Variants in DNAH10 observed in about 807,000 individuals in gnomAD.
The protein encoded by DNAH10 is dynein axonemal heavy chain 10.
A neutral mutation model predicts 506.6 loss-of-function variants in DNAH10; 348 were observed. The ratio of observed to expected loss-of-function variants is 0.69; its 90% confidence interval spans 0.63 to 0.75. DNAH10 has a LOEUF of 0.75. Among genes scored for constraint, DNAH10 ranks in the 30% least tolerant of loss-of-function variants. The pLI is 0.00. For synonymous variants in DNAH10, 2,059 were observed against 2,198.6 expected (o/e 0.94, Z 1.78); for missense variants, 5,179 against 5,787.1 (o/e 0.89, Z 3.41).
chr12:123,873,577 TCTC>T lies in DNAH10; in HGVS notation c.7810_7812del (p.Ser2604del). 6.2e-7 allele frequency: 1 copy of T among 1,612,392 alleles called. No individual in the cohort carries two copies. The highest frequency in any genetic ancestry group is 8.5e-7 in the Non-Finnish European group (1 of 1,179,392). On this transcript the variant is annotated inframe_deletion, in exon 46 of 79. Transcript: ENST00000673944. ...CTTCAGATTGTGTTAATGGTCAACT[TCTC>T]CTCCCGCACCACGTCCATGGATATC...
chr12:123,858,913 C>T (rs545201126), intron 37 of DNAH10, among the ~76,000 whole-genome samples: 1 of 152,064 alleles, frequency 6.6e-6, no homozygotes, highest in African/African-American at 2.4e-5. Context: ...GAGTGGTTGC[C>T]AGGGGCTGGG....
At chr12:123,767,970 G>A (rs1004147651) in intron 2 of DNAH10, among the ~76,000 whole-genome samples, 1 of 152,162 alleles carries the variant, frequency 6.6e-6, no homozygotes, top group African/African-American at 2.4e-5. Context: ...CGCTCCCTCT[G>A]CAGGACCAAG....
chr12:123,818,365 C>T lies in DNAH10; in HGVS notation c.3781-585C>T, dbSNP rs116357568. On this transcript the variant is annotated intron_variant, in intron 21 of 78. Coordinates refer to ENST00000673944, the MANE Select transcript of DNAH10 (RefSeq NM_001372106.1). ...TTGAGATAGAATCTTGCTCTGTCAC[C>T]GAGGTTGGAGTGCAGTGGTGTGATC... Among the ~76,000 whole-genome samples the T allele has an allele frequency of 9.8e-3, 1,483 of 152,054 alleles. 21 individuals are homozygous for T. The highest frequency in any genetic ancestry group is 0.033 in the African/African-American group (1,377 of 41,466).
chr12:123,878,001 A>G, intron 48 of DNAH10, 93 bp downstream of exon 48: 2 of 1,427,274 alleles, frequency 1.4e-6, no homozygotes, highest in Non-Finnish European at 1.9e-6. Context: ...GATTTGATGA[A>G]TCGTTGTATG....
Position 123,787,941 on chromosome 12 carries a change from G to A in DNAH10, c.1559G>A (p.Arg520Gln), listed in dbSNP as rs766869862. 12 of 1,601,686 alleles carry A rather than the reference G, an allele frequency of 7.5e-6. No homozygotes were observed. In the East Asian group the frequency reaches 1.6e-4, roughly 21 times the overall value. ...GATCGGTGGGAGTTTGACCGGAAGC[G>A]GCTGTTCGAGAGGACGGATTATATG... is the stretch of plus-strand genomic sequence containing the variant. ...REDRWEFDRKRLFERTDYMAT... is the reference protein window; with the variant it reads ...REDRWEFDRKQLFERTDYMAT... The change falls in exon 10 of 79, where the codon CGG (arginine) becomes CAG (glutamine). Residue 520 changes from arginine to glutamine, a missense_variant. Physicochemically the swap from Arg to Gln is conservative, Grantham distance 43 (BLOSUM62 1). This residue lies in a region of DNAH10 where 4,844 missense variants were observed against 5,430.5 expected (regional missense o/e 0.89). Coordinates refer to ENST00000673944, the MANE Select transcript of DNAH10 (RefSeq NM_001372106.1). The surrounding 1 kb of genome is among the most constrained non-coding windows in gnomAD (Gnocchi z 4.6).
chr12:123,931,745 CG>C lies in DNAH10; in HGVS notation c.13028del (p.Gly4343GlufsTer25), dbSNP rs1316097804. On this transcript the variant is annotated frameshift_variant, in exon 75 of 79. Coordinates refer to ENST00000673944, the MANE Select transcript of DNAH10 (RefSeq NM_001372106.1). LOFTEE classifies it high-confidence loss of function. ...FDLDQVRKRL[G>X]TGLSPTSVVL... is the part of the protein sequence containing the mutation. Reference sequence around the variant, plus strand: ...ACTTGGACCAGGTGAGGAAGCGCCTCGGAACAGGACTCTCCCCCACTTCGGT... The same window carrying C: ...ACTTGGACCAGGTGAGGAAGCGCCTCGAACAGGACTCTCCCCCACTTCGGT... The C allele has an allele frequency of 8.1e-6, 13 of 1,613,896 alleles. No individual in the cohort carries two copies. Among genetic ancestry groups the C allele is most frequent in the Non-Finnish European group, 1.1e-5 (13 of 1,179,902 alleles).
Position 123,813,171 on chromosome 12 carries a change from T to C in DNAH10, c.3152T>C (p.Val1051Ala). The change falls in exon 20 of 79, where the codon GTT becomes GCT. Residue 1051 changes from valine (V) to alanine (A), a missense_variant. Transcript: ENST00000673944. ...RNCVEITKHF[V>A]RWMNGSCIEC... ...TAATTCTTACTTTGCCAGCATTTTG[T>C]TCGTTGGATGAATGGCAGCTGCATA... The C allele has an allele frequency of 6.2e-7, 1 of 1,600,608 alleles. No homozygotes were observed. The highest frequency in any genetic ancestry group is 8.5e-7 in the Non-Finnish European group (1 of 1,173,544).
chr12:123,809,719 C>T (rs937832267), intron 19 of DNAH10, among the ~76,000 whole-genome samples: 7 of 151,990 alleles, frequency 4.6e-5, no homozygotes, highest in African/African-American at 1.5e-4. Context: ...TGCCCCCACC[C>T]ACCCCATGAC....
rs1955446815 is a variant in DNAH10, at chr12:123,935,339, C to T, written c.13628C>T (p.Thr4543Ile). The T allele has an allele frequency of 2.5e-6, 4 of 1,602,566 alleles. No homozygotes were observed. The highest frequency in any genetic ancestry group is 3.4e-6 in the Non-Finnish European group (4 of 1,170,134). The change falls in exon 79 of 79, where the codon ACT becomes ATT. Residue 4543 changes from threonine (T) to isoleucine (I), a missense_variant. Around this residue, in one of 3 missense-constraint regions of DNAH10, gnomAD observed 4,844 missense variants for 5,430.5 expected, o/e 0.89. Coordinates refer to ENST00000673944, the MANE Select transcript of DNAH10 (RefSeq NM_001372106.1). ...TCACCTGCCTTTCCCTTGCAGAATA[C>T]TTTCCGGACCCCCGTCTACACCACC... is the stretch of plus-strand genomic sequence containing the variant. The part of the protein sequence containing the change: ...IEAHRLKLQN[T>I]FRTPVYTTSM...
Position 123,935,440 on chromosome 12 carries a change from T to C in DNAH10, c.13729T>C (p.Trp4577Arg). The C allele has an allele frequency of 3.7e-6, 6 of 1,608,776 alleles. No individual in the cohort carries two copies. The highest frequency in any genetic ancestry group is 5.1e-6 in the Non-Finnish European group (6 of 1,175,428). Residue 4577 changes from tryptophan to arginine, a missense_variant, in exon 79 of 79, where the codon TGG becomes CGG. Physicochemically the swap from Trp to Arg is moderately radical, Grantham distance 101. Around this residue, in one of 3 missense-constraint regions of DNAH10, gnomAD observed 4,844 missense variants for 5,430.5 expected, o/e 0.89. Coordinates refer to ENST00000673944, the MANE Select transcript of DNAH10 (RefSeq NM_001372106.1). The part of the protein sequence containing the change: ...DLFTTRHISH[W>R]VLQGVCLTLN... ...CTTTACCACGAGGCACATTTCTCAC[T>C]GGGTGCTGCAAGGAGTATGCCTCAC... is the stretch of plus-strand genomic sequence containing the variant.
chr12:123,888,344 C>T (rs1952831514), intron 52 of DNAH10, among the ~76,000 whole-genome samples: 1 of 152,148 alleles, frequency 6.6e-6, no homozygotes, highest in African/African-American at 2.4e-5. Context: ...AAAGACACAT[C>T]CTAAACCCCT....
At position 123,845,602 on chromosome 12, in the gene DNAH10, T is replaced by G; in HGVS notation, c.5363T>G (p.Val1788Gly). 6.2e-7 allele frequency: 1 copy of G among 1,612,196 alleles called. No homozygotes were observed. Among genetic ancestry groups the G allele is most frequent in the South Asian group, 1.1e-5 (1 of 91,054 alleles). The stretch of plus-strand genomic sequence containing the variant: ...TTACAGGTGTGCGTTTTCTGCAGAG[T>G]CGACTGGATGCTCCTGTACCAGGGC... ...IFRYCEDRSR[V>G]DWMLLYQGMV... Residue 1788 changes from valine to glycine, a missense_variant and splice_region_variant, in exon 31 of 79, where the codon GTC (valine) becomes GGC (glycine). Physicochemically the swap from Val to Gly is moderately radical, Grantham distance 109. Around this residue, in one of 3 missense-constraint regions of DNAH10, gnomAD observed 4,844 missense variants for 5,430.5 expected, o/e 0.89. Transcript: ENST00000673944.
At chr12:123,866,478 C>T (rs552338829) in intron 41 of DNAH10, among the ~76,000 whole-genome samples, 12 of 151,676 alleles carry the variant, frequency 7.9e-5, no homozygotes, top group Non-Finnish European at 1.2e-4. Context: ...CTCTTGAGCT[C>T]GTGATCTGCC....
At chr12:123,782,128 T>C (rs574064266) in intron 6 of DNAH10, among the ~76,000 whole-genome samples, 2 of 152,200 alleles carry the variant, frequency 1.3e-5, no homozygotes, top group African/African-American at 4.8e-5. Flanking sequence ...TTTCCTGGAG[T>C]GTTCTTCAAC....
At chr12:123,829,216 AG>A (rs1960284599) in intron 25 of DNAH10, among the ~76,000 whole-genome samples, 1 of 152,164 alleles carries the variant, frequency 6.6e-6, no homozygotes, top group African/African-American at 2.4e-5. Flanking sequence ...GGAAAAAGGA[AG>A]TAACAGGTTC....
chr12:123,841,618 G>T, intron 30 of DNAH10, 73 bp downstream of exon 30: 1 of 1,430,196 alleles, frequency 7.0e-7, no homozygotes. Flanking sequence ...TAAAGGCTTG[G>T]AGTAGATTGG....
Position 123,794,077 on chromosome 12 carries a change from A to C in DNAH10, c.1951A>C (p.Lys651Gln). 1.6e-6 allele frequency: 2 copies of C among 1,281,946 alleles called. No individual in the cohort carries two copies. Among genetic ancestry groups the C allele is most frequent in the Non-Finnish European group, 2.0e-6 (2 of 984,656 alleles). The allele number at this position is 1,281,946 out of a possible 1,614,324, so 79.4% of individuals were successfully genotyped here. ...REAVNRQMMM[K>Q]FNDILAQYCK... ...GGCTGTTAATCGACAAATGATGATG[A>C]AATTTAATGATATTCTTGCACAGTA... is the stretch of plus-strand genomic sequence containing the variant. Residue 651 changes from lysine to glutamine, a missense_variant, in exon 12 of 79, where the codon AAA becomes CAA. This residue lies in a region of DNAH10 where 4,844 missense variants were observed against 5,430.5 expected (regional missense o/e 0.89). Transcript: ENST00000673944.
chr12:123,858,603 A>G (rs984063183), intron 37 of DNAH10, among the ~76,000 whole-genome samples: 9 of 152,182 alleles, frequency 5.9e-5, no homozygotes, highest in Admixed American at 5.2e-4. Flanking sequence ...AAGAATGAGG[A>G]CGAACGTCCG....
At position 123,799,289 on chromosome 12, in the gene DNAH10, A is replaced by T. The variant is rs199570902; in HGVS notation, c.2207A>T (p.Tyr736Phe). The change falls in exon 14 of 79, where the codon TAT becomes TTT. Residue 736 changes from tyrosine to phenylalanine, a missense_variant. Coordinates refer to ENST00000673944, the MANE Select transcript of DNAH10 (RefSeq NM_001372106.1). ...GAAGTAGGTAGGACAATGAAGGAGT[A>T]TGAAGACAGAAAGTATGAGCAGTGG... ...YLEVGRTMKE[Y>F]EDRKYEQWME... is the part of the protein sequence containing the mutation. The T allele has an allele frequency of 5.0e-4, 806 of 1,613,930 alleles. 4 individuals are homozygous for T. Among genetic ancestry groups the T allele is most frequent in the South Asian group, 3.9e-3 (357 of 91,054 alleles).
Sources: gnomAD v4.1 joint callset for allele counts (sites outside exome capture counted in the v4.1 genomes callset) on GRCh38, gnomAD v4.1.1 for gene constraint, gnomAD v4.1.1 regional missense constraint, Gnocchi (gnomAD v3.1) non-coding constraint, MANE v1.5 for transcripts, NCBI Gene and HGNC (gene_info 2026-07-23, HGNC 2026-07-21) for gene names.